The following NUP160 variants were observed in gnomAD, a reference collection of about 807,000 sequenced individuals.
NUP160 encodes nucleoporin 160, also known as nuclear pore complex protein Nup160.
In NUP160, 94 loss-of-function variants were observed where a neutral mutation model predicts 196.9. That is an observed-to-expected ratio of 0.48 (90% CI 0.40 to 0.57). The LOEUF is 0.57. Among genes scored for constraint, NUP160 ranks in the 20% least tolerant of loss-of-function variants. NUP160 has a pLI of 0.00. For synonymous variants in NUP160, 605 were observed against 619.7 expected (o/e 0.98, Z 0.35); for missense variants, 1,638 against 1,748.3 (o/e 0.94, Z 1.13).
rs115852103 is a variant in NUP160, at chr11:47,848,164, T to A, written c.202+55A>T. On this transcript the variant is annotated intron_variant, in intron 1 of 35. Transcript: ENST00000378460. ...AGGGCGTCAGGGACCCTGGGACCCATGAGAGGAGCCCGAGGGGACAGATGG... is the reference window on the plus strand; with the variant it reads ...AGGGCGTCAGGGACCCTGGGACCCAAGAGAGGAGCCCGAGGGGACAGATGG... 2,857 of 1,590,180 alleles carry A rather than the reference T, an allele frequency of 1.8e-3. 54 individuals carry two copies. The African/African-American group carries it at 0.035, about 20-fold the overall frequency.
At chr11:47,831,894 C>CTTTTTT (rs554204043) in intron 7 of NUP160, among the ~76,000 whole-genome samples, 10 of 69,990 alleles carry the variant, frequency 1.4e-4, no homozygotes, top group African/African-American at 6.2e-4. Flanking sequence ...TAATAAATTC[C>CTTTTTT]TTTTTTTTTT....
At chr11:47,846,255 G>A (rs1438242571) in intron 2 of NUP160, among the ~76,000 whole-genome samples, 2 of 152,168 alleles carry the variant, frequency 1.3e-5, no homozygotes, top group South Asian at 2.1e-4. Flanking sequence ...GGGATTACAG[G>A]TGTGAGCCAC....
chr11:47,798,842 C>A (rs181242301), intron 23 of NUP160, among the ~76,000 whole-genome samples: 4 of 150,736 alleles, frequency 2.7e-5, no homozygotes, highest in Admixed American at 6.6e-5. Context: ...TCCTCAGTGC[C>A]TAGTATACAG....
At chr11:47,807,260 T>A in intron 18 of NUP160, 120 bp from the exon 19 acceptor site, 1 of 637,182 alleles carries the variant, frequency 1.6e-6, no homozygotes, top group Non-Finnish European at 2.7e-6. Context: ...AAAGCTCCAC[T>A]GAAAGCACAA....
chr11:47,839,936 C>T, exon 4 of NUP160: 1 of 1,614,150 alleles, frequency 6.2e-7, no homozygotes, highest in East Asian at 2.2e-5. Flanking sequence ...CTGAGCCAGG[C>T]TGTAGAGGCG....
chr11:47,791,366 G>T (rs1441742579), intron 29 of NUP160, among the ~76,000 whole-genome samples: 1 of 152,106 alleles, frequency 6.6e-6, no homozygotes, highest in Non-Finnish European at 1.5e-5. Context: ...TTGAGGCGGA[G>T]TCTTACTCTG....
chr11:47,790,821 G>C (rs1565188586), intron 29 of NUP160, among the ~76,000 whole-genome samples: 1 of 152,104 alleles, frequency 6.6e-6, no homozygotes, highest in African/African-American at 2.4e-5. Flanking sequence ...ATGGTGTCTG[G>C]GAACTCTTCT....
intron 7 of NUP160, among the ~76,000 whole-genome samples, chr11:47,822,970 T>G (rs1208089003): frequency 2.0e-5 from 3 of 152,196 alleles, no homozygotes; most frequent in African/African-American, 7.2e-5. Context: ...AGTCTATCAT[T>G]GATGGACACT....
intron 24 of NUP160, 50 bp downstream of exon 24, chr11:47,798,318 C>T: frequency 5.9e-6 from 9 of 1,533,730 alleles, no homozygotes; most frequent in Non-Finnish European, 8.1e-6. Flanking sequence ...GAACATACCA[C>T]ACCCACAACA....
At chr11:47,781,645 T>G (rs541008674) in intron 34 of NUP160, among the ~76,000 whole-genome samples, 1 of 152,260 alleles carries the variant, frequency 6.6e-6, no homozygotes, top group Admixed American at 6.5e-5. Context: ...TGTATGAGCC[T>G]GTGATAACCT....
chr11:47,789,357 A>G (rs1409375959), intron 29 of NUP160, among the ~76,000 whole-genome samples: 2 of 152,132 alleles, frequency 1.3e-5, no homozygotes, highest in Admixed American at 6.6e-5. Flanking sequence ...TCTATCAATA[A>G]GAAAGAAATA....
Position 47,816,038 on chromosome 11 carries a change from A to G in NUP160, c.1432-9T>C, listed in dbSNP as rs772358627. 1.2e-6 allele frequency: 2 copies of G among 1,602,280 alleles called. No homozygotes were observed. Among genetic ancestry groups the G allele is most frequent in the Non-Finnish European group, 1.7e-6 (2 of 1,169,458 alleles). On this transcript the variant is annotated splice_polypyrimidine_tract_variant and intron_variant, in intron 11 of 35. Transcript: ENST00000378460. ...GTTCCTCGGCAGAAAATCTAACATTAAAAGACATTTTAGACTTCTATATAA... is the reference window on the plus strand; with the variant it reads ...GTTCCTCGGCAGAAAATCTAACATTGAAAGACATTTTAGACTTCTATATAA...
At chr11:47,811,936 T>C in intron 17 of NUP160, 128 bp downstream of exon 17, 2 of 731,854 alleles carry the variant, frequency 2.7e-6, no homozygotes. Context: ...AAGGCCAAGC[T>C]TGGGAGAATA....
At chr11:47,843,500 T>C (rs1852345042) in intron 2 of NUP160, among the ~76,000 whole-genome samples, 1 of 152,238 alleles carries the variant, frequency 6.6e-6, no homozygotes, top group African/African-American at 2.4e-5. Flanking sequence ...TTTTTCTAAA[T>C]GTTGGTGTGC....
chr11:47,802,893 G>C (rs1232593201), intron 22 of NUP160, among the ~76,000 whole-genome samples: 5 of 152,088 alleles, frequency 3.3e-5, no homozygotes, highest in African/African-American at 1.2e-4. Context: ...GCTGAGGTAG[G>C]AGAATCACTT....
chr11:47,848,440 C>T (rs1201403837), exon 1 of NUP160: 3 of 1,514,312 alleles, frequency 2.0e-6, no homozygotes, highest in Admixed American at 2.1e-5. Flanking sequence ...AGAAAGGCGG[C>T]TCCGGCCCTT....
intron 9 of NUP160, among the ~76,000 whole-genome samples, chr11:47,819,691 G>C (rs1222399596): frequency 6.6e-6 from 1 of 151,898 alleles, no homozygotes; most frequent in African/African-American, 2.4e-5. Context: ...TCCTAAAATT[G>C]AAACTCATTG....
At chr11:47,801,873 G>A (rs1388583138) in exon 23 of NUP160, 6 of 1,613,484 alleles carry the variant, frequency 3.7e-6, no homozygotes, top group Middle Eastern at 1.6e-4. Context: ...CGAATCAAGC[G>A]ATCCAAGAAT....
chr11:47,839,093 T>C (rs1852244111), intron 4 of NUP160, among the ~76,000 whole-genome samples: 2 of 151,736 alleles, frequency 1.3e-5, no homozygotes. Context: ...ATGACCCAAC[T>C]TGGGTTTTTC....
Sources: gnomAD v4.1 joint callset for allele counts (sites outside exome capture counted in the v4.1 genomes callset) on GRCh38, gnomAD v4.1.1 for gene constraint, MANE v1.5 for transcripts, NCBI Gene and HGNC (gene_info 2026-07-23, HGNC 2026-07-21) for gene names.